Variants in FOXP1 observed in about 807,000 individuals in gnomAD.
FOXP1 encodes forkhead box protein P1.
Under a neutral mutation model 98.2 loss-of-function variants are expected in FOXP1, and 15 were observed. That is an observed-to-expected ratio of 0.15 (90% CI 0.10 to 0.24). FOXP1 has a LOEUF of 0.24. FOXP1 is among the 10% of genes least tolerant of loss of function. The pLI is 1.00. For missense variants in FOXP1, 633 were observed against 848.5 expected, an observed-to-expected ratio of 0.75 and a Z score of 3.15; for synonymous variants, 371 against 314.5, an observed-to-expected ratio of 1.18 and a Z score of -1.90.
rs866135610 is a variant in FOXP1 at position 71,102,671 on chromosome 3, G to A, written c.282+9865C>T. Among the ~76,000 whole-genome samples, 3 of 152,276 alleles carry A rather than the reference G, an allele frequency of 2.0e-5. No individual in the cohort carries two copies. The South Asian group carries it at 6.2e-4, about 32-fold the overall frequency. ...ATTATAAGCACTATTTTTCAAATAT[G>A]CCCATCAACATATGTCCAAATTAGG... is the stretch of plus-strand genomic sequence containing the variant. On this transcript the variant is annotated intron_variant, in intron 7 of 20. Coordinates refer to ENST00000649528, the MANE Select transcript of FOXP1 (RefSeq NM_001349338.3).
At position 71,416,900 on chromosome 3, in the gene FOXP1, A is replaced by C. The variant is rs145754253; in HGVS notation, c.-167-57656T>G. 7.9e-5 allele frequency among the ~76,000 whole-genome samples: 12 copies of C among 152,210 alleles called. No homozygotes were observed. The East Asian group carries it at 1.7e-3, about 22-fold the overall frequency. On this transcript the variant is annotated intron_variant, in intron 3 of 20. Coordinates refer to ENST00000649528, the MANE Select transcript of FOXP1 (RefSeq NM_001349338.3). The stretch of plus-strand genomic sequence containing the variant: ...AGAACTTTCCCTTTATCATAAGGGT[A>C]ATGGGAGGCCAGTGAAGGGACCTCG...
At chr3:71,429,408 C>CA (rs1466196708) in intron 3 of FOXP1, among the ~76,000 whole-genome samples, 1 of 144,946 alleles carries the variant, frequency 6.9e-6, no homozygotes, top group East Asian at 2.0e-4. Flanking sequence ...TTTCAGGAAT[C>CA]AAAGGCCTGT....
intron 5 of FOXP1, among the ~76,000 whole-genome samples, chr3:71,293,601 C>T (rs972023399): frequency 2.0e-5 from 3 of 151,904 alleles, no homozygotes; most frequent in Non-Finnish European, 4.4e-5. Flanking sequence ...CTAAATATGC[C>T]TTCATGTACA....
intron 12 of FOXP1, among the ~76,000 whole-genome samples, chr3:71,011,201 T>G (rs1325273442): frequency 6.6e-6 from 1 of 152,162 alleles, no homozygotes; most frequent in Non-Finnish European, 1.5e-5. Flanking sequence ...TTTGCTACTT[T>G]ACAATATTCA....
In FOXP1 at chr3:71,053,828, TC is replaced by T. The variant is rs2050240770; in HGVS notation, c.283-56del. On this transcript the variant is annotated intron_variant, in intron 7 of 20. Transcript: ENST00000649528. ...GCCAGGAAATCAGAAGCACGCAGCC[TC>T]CCAGGTTCAGCAGCTGACTGCCATC... 12 of 1,608,038 alleles carry T rather than the reference TC, an allele frequency of 7.5e-6. No individual in the cohort carries two copies. In the South Asian group the frequency reaches 1.3e-4, roughly 18 times the overall value.
chr3:71,377,986 C>T (rs567312902), intron 3 of FOXP1, among the ~76,000 whole-genome samples: 2 of 151,772 alleles, frequency 1.3e-5, no homozygotes, highest in African/African-American at 4.8e-5. Flanking sequence ...GAGATGAAGC[C>T]ACACTGGTCC....
intron 6 of FOXP1, among the ~76,000 whole-genome samples, chr3:71,150,576 C>T (rs77332723): frequency 0.11 from 16,235 of 152,070 alleles, 1,034 homozygotes; most frequent in Middle Eastern, 0.17. Flanking sequence ...TAACACCCTC[C>T]AACTTCCCAA....
At chr3:71,006,270 TA>T (rs1212907715) in intron 12 of FOXP1, among the ~76,000 whole-genome samples, 2 of 151,912 alleles carry the variant, frequency 1.3e-5, no homozygotes, top group Non-Finnish European at 2.9e-5. Context: ...ATAATAATAA[TA>T]AAAAAATCTA....
At chr3:71,323,365 C>T (rs1440314112) in intron 4 of FOXP1, among the ~76,000 whole-genome samples, 1 of 152,118 alleles carries the variant, frequency 6.6e-6, no homozygotes, top group East Asian at 1.9e-4. Context: ...TATTAAAAGA[C>T]AGGGAGGACC....
chr3:71,581,099 T>G (rs2048126219), intron 2 of FOXP1: 1 of 971,068 alleles, frequency 1.0e-6, no homozygotes, highest in Non-Finnish European at 1.2e-6. Flanking sequence ...GAAATAAGTT[T>G]CATTTTGGGT....
intron 4 of FOXP1, among the ~76,000 whole-genome samples, chr3:71,354,428 T>C (rs372654016): frequency 6.6e-6 from 1 of 152,148 alleles, no homozygotes; most frequent in East Asian, 1.9e-4. Context: ...CCCCAAACTC[T>C]CAATTTCCAT....
chr3:71,133,254 C>T (rs1011850196), intron 6 of FOXP1, among the ~76,000 whole-genome samples: 1 of 152,104 alleles, frequency 6.6e-6, no homozygotes, highest in Non-Finnish European at 1.5e-5. Context: ...GTATAAAGAC[C>T]TTCATTAGTA....
At chr3:71,344,549 A>G (rs2077206418) in intron 4 of FOXP1, among the ~76,000 whole-genome samples, 1 of 152,212 alleles carries the variant, frequency 6.6e-6, no homozygotes, top group Admixed American at 6.5e-5. Flanking sequence ...TAAGAATCAT[A>G]TTTGAAGCTG....
chr3:70,969,318 AC>A (rs1032488416), intron 19 of FOXP1: 2 of 152,200 alleles, frequency 1.3e-5, no homozygotes, highest in African/African-American at 2.4e-5. Context: ...TACTGTGTAA[AC>A]TACAAGTAAT....
intron 3 of FOXP1, among the ~76,000 whole-genome samples, chr3:71,461,674 G>A (rs543280905): frequency 2.0e-5 from 3 of 152,052 alleles, no homozygotes; most frequent in South Asian, 2.1e-4. Flanking sequence ...GGTGACAGGC[G>A]CCTGTAATCC....
At chr3:71,289,037 TA>T (rs1258304041) in intron 5 of FOXP1, among the ~76,000 whole-genome samples, 33 of 152,074 alleles carry the variant, frequency 2.2e-4, no homozygotes, top group African/African-American at 7.5e-4. Context: ...TTTATTTATT[TA>T]TTTATTTATT....
At chr3:71,111,986 G>A (rs1049532855) in intron 7 of FOXP1, among the ~76,000 whole-genome samples, 5 of 152,006 alleles carry the variant, frequency 3.3e-5, no homozygotes, top group African/African-American at 1.2e-4. Context: ...GGTGTGTCGT[G>A]TCCTGTGCAT....
At chr3:71,569,658 T>G (rs1034009189) in intron 2 of FOXP1, among the ~76,000 whole-genome samples, 5 of 152,068 alleles carry the variant, frequency 3.3e-5, no homozygotes, top group South Asian at 2.1e-4. Context: ...CACATACACA[T>G]AGAGAGAGAG....
intron 6 of FOXP1, among the ~76,000 whole-genome samples, chr3:71,121,523 G>A (rs928783739): frequency 3.3e-5 from 5 of 151,560 alleles, no homozygotes; most frequent in South Asian, 2.1e-4. Context: ...TTAACATAGG[G>A]CCCTATAACC....
Sources: allele counts gnomAD v4.1 joint callset (sites outside exome capture counted in the v4.1 genomes callset), GRCh38; gene constraint gnomAD v4.1.1; transcripts MANE v1.5; gene names NCBI Gene and HGNC (gene_info 2026-07-23, HGNC 2026-07-21).